HNRNPA3: variants seen among roughly 807,000 people sequenced by gnomAD.
HNRNPA3 encodes the protein epididymis secretory sperm binding protein.
Under a neutral mutation model 45.8 loss-of-function variants are expected in HNRNPA3, and 3 were observed. The ratio of observed to expected loss-of-function variants is 0.07; its 90% confidence interval spans 0.03 to 0.17. The LOEUF (loss-of-function observed/expected upper bound fraction) is 0.17, where lower values mean the gene tolerates loss of function less well. HNRNPA3 is among the 10% of genes least tolerant of loss of function. The pLI, the probability that HNRNPA3 is intolerant of heterozygous loss-of-function variation, is 1.00. For missense variants in HNRNPA3, 183 were observed against 480.3 expected (o/e 0.38, Z 5.79); for synonymous variants, 170 against 155.6 (o/e 1.09, Z -0.69).
At chr2:177,214,879 T>TC (rs1447647857) in intron 1 of HNRNPA3, among the ~76,000 whole-genome samples, 1 of 152,210 alleles carries the variant, frequency 6.6e-6, no homozygotes, top group African/African-American at 2.4e-5. Flanking sequence ...ACACTGCTTC[T>TC]CCAACAGTTT....
chr2:177,222,484 A>G (rs914036747), downstream of HNRNPA3: 2 of 152,142 alleles, frequency 1.3e-5, no homozygotes, highest in African/African-American at 4.8e-5. Context: ...GCCCATCCTC[A>G]TACTAGGAAA....
downstream of HNRNPA3, chr2:177,220,832 A>G (rs569291395): frequency 6.6e-6 from 1 of 152,456 alleles, no homozygotes; most frequent in Non-Finnish European, 1.5e-5. Context: ...ATATACATAT[A>G]TTAATATAAA....
intron 7 of HNRNPA3, among the ~76,000 whole-genome samples, 167 bp from the exon 8 acceptor site, chr2:177,217,538 A>G (rs555453404): frequency 1.5e-4 from 23 of 152,366 alleles, no homozygotes; most frequent in African/African-American, 5.1e-4. Context: ...CTGAGGTGGG[A>G]GAATGGCTTG....
intron 2 of HNRNPA3, 44 bp from the exon 3 acceptor site, chr2:177,215,706 C>T (rs1558968934): frequency 1.2e-6 from 2 of 1,611,718 alleles, no homozygotes; most frequent in South Asian, 2.2e-5. Flanking sequence ...GTGTAGAGAA[C>T]CGGTGGAGGT....
At chr2:177,215,774 C>T in exon 3 of HNRNPA3, 2 of 1,608,074 alleles carry the variant, frequency 1.2e-6, no homozygotes, top group East Asian at 2.2e-5. Flanking sequence ...CCAAACAAAA[C>T]GTTCCAGGGG....
chr2:177,218,203 A>G lies in HNRNPA3; in HGVS notation c.961+358A>G, dbSNP rs1326115782. ...CAGCCTCCCTAGTAGCTGGGACTAC[A>G]GGCGTATGCCAGCACGCCCGGTTAA... is the stretch of plus-strand genomic sequence containing the variant. On this transcript the variant is annotated intron_variant, in intron 8 of 10. Coordinates refer to ENST00000392524, the Ensembl canonical transcript of HNRNPA3. Among the ~76,000 whole-genome samples, 6 of 151,902 alleles carry G rather than the reference A, an allele frequency of 3.9e-5. No homozygotes were observed. The East Asian group carries it at 1.2e-3, about 29-fold the overall frequency.
chr2:177,223,701 CCTAT>C (rs1431098949), downstream of HNRNPA3: 3 of 152,084 alleles, frequency 2.0e-5, no homozygotes, highest in African/African-American at 7.2e-5. Context: ...GGATTGTTAG[CCTAT>C]CTAAATATTC....
chr2:177,223,693 A>G (rs1192194806), downstream of HNRNPA3: 2 of 152,236 alleles, frequency 1.3e-5, no homozygotes, highest in Non-Finnish European at 2.9e-5. Context: ...TAATGTAAGG[A>G]TTGTTAGCCT....
chr2:177,216,433 G>A (rs1040691433), intron 4 of HNRNPA3, 70 bp from the exon 5 acceptor site: 3 of 1,073,882 alleles, frequency 2.8e-6, no homozygotes, highest in Non-Finnish European at 4.2e-6. Flanking sequence ...AATGACAGAG[G>A]GTATCTCATA....
At chr2:177,212,980 G>C (rs1688746575) in intron 1 of HNRNPA3, 109 bp downstream of exon 1, 1 of 682,306 alleles carries the variant, frequency 1.5e-6, no homozygotes, top group Middle Eastern at 4.5e-4. Context: ...GCGCTCTTGC[G>C]TTGAGACAGG....
At chr2:177,216,477 TTTTG>T (rs781651939) in intron 4 of HNRNPA3, 22 bp from the exon 5 acceptor site, 11 of 1,555,892 alleles carry the variant, frequency 7.1e-6, no homozygotes, top group South Asian at 3.3e-5. Context: ...TAACTTTTTG[TTTTG>T]TTTGATTGAA....
At position 177,216,695 on chromosome 2, in the gene HNRNPA3, C is replaced by G. The variant is rs770271574; in HGVS notation, c.663C>G (p.Gly221=). ...TTAAAGGTCGTGGAGGTGGATCTGGCAATTTTATGGGTCGCGGAGGGAACT... is the reference window on the plus strand; with the variant it reads ...TTAAAGGTCGTGGAGGTGGATCTGGGAATTTTATGGGTCGCGGAGGGAACT... The change falls in exon 6 of 11, where the codon GGC becomes GGG. Residue 221 remains glycine, a synonymous_variant. Transcript: ENST00000392524. 10 of 1,614,062 alleles carry G rather than the reference C, an allele frequency of 6.2e-6. 1 individual carries two copies. The highest frequency in any genetic ancestry group is 8.5e-7 in the Non-Finnish European group (1 of 1,180,012).
chr2:177,216,054 A>G (rs1162304418), exon 4 of HNRNPA3: 1 of 1,569,610 alleles, frequency 6.4e-7, no homozygotes, highest in African/African-American at 1.4e-5. Context: ...ACAGAAGAAT[A>G]TAATTTGAGA....
exon 9 of HNRNPA3, chr2:177,219,092 G>A (rs1361907829): frequency 6.2e-7 from 1 of 1,613,908 alleles, no homozygotes; most frequent in African/African-American, 1.3e-5. Context: ...GTGGACAACA[G>A]CAATCAAATT....
At chr2:177,223,493 A>G (rs747425141), downstream of HNRNPA3, 45 of 152,232 alleles carry the variant, frequency 3.0e-4, no homozygotes, top group Non-Finnish European at 6.3e-4. Context: ...TACACTTCTA[A>G]AAAGCTGAAT....
intron 4 of HNRNPA3, 81 bp from the exon 5 acceptor site, chr2:177,216,422 T>C: frequency 1.0e-6 from 1 of 997,034 alleles, no homozygotes; most frequent in African/African-American, 1.6e-5. Context: ...ATGGGTTACA[T>C]AATGACAGAG....
Position 177,213,024 on chromosome 2 carries a change from C to T in HNRNPA3, c.72+153C>T, listed in dbSNP as rs950605679. ...GGGGGAGGGGAGCGAGAGTTGGAGA[C>T]CTCCTTGGGGCCCCTCGCCCGCCTC... On this transcript the variant is annotated intron_variant, in intron 1 of 10. Transcript: ENST00000392524. Among the ~76,000 whole-genome samples, 7 of 152,062 alleles carry T rather than the reference C, an allele frequency of 4.6e-5. No individual in the cohort carries two copies. The South Asian group carries it at 6.2e-4, about 14-fold the overall frequency.
chr2:177,217,952 C>T (rs1220520708), intron 8 of HNRNPA3, 107 bp downstream of exon 8: 26 of 1,114,702 alleles, frequency 2.3e-5, no homozygotes, highest in Non-Finnish European at 2.9e-5. Context: ...ATTTTATGTT[C>T]TATAAGAAAA....
chr2:177,221,550 C>CT (rs1459399139), downstream of HNRNPA3: 3 of 152,598 alleles, frequency 2.0e-5, no homozygotes, highest in African/African-American at 7.2e-5. Context: ...CAGGTGAAAT[C>CT]TGTGTATGTG....
Sources: gnomAD v4.1 joint callset for allele counts (sites outside exome capture counted in the v4.1 genomes callset) on GRCh38, gnomAD v4.1.1 for gene constraint, MANE v1.5 for transcripts, NCBI Gene and HGNC (gene_info 2026-07-23, HGNC 2026-07-21) for gene names.